Variants in SRPK2 observed in about 807,000 individuals in gnomAD.
SRPK2 encodes the protein SFRS protein kinase 2.
SRPK2 carries 21 observed loss-of-function variants against 90.8 expected under a neutral mutation model. That is an observed-to-expected ratio of 0.23 (90% CI 0.16 to 0.33). The LOEUF (loss-of-function observed/expected upper bound fraction) is 0.33. SRPK2 is among the 10% of genes least tolerant of loss of function. The pLI is 1.00. For synonymous variants in SRPK2, 288 were observed against 311.1 expected (o/e 0.93, Z 0.78); for missense variants, 620 against 869.0 (o/e 0.71, Z 3.60).
At chr7:105,346,045 A>G (rs1279859247) in intron 2 of SRPK2, among the ~76,000 whole-genome samples, 3 of 152,232 alleles carry the variant, frequency 2.0e-5, no homozygotes, top group Non-Finnish European at 2.9e-5. Context: ...CTTTTAAAAA[A>G]GAGTGCAAAA....
chr7:105,382,913 G>A (rs551982843), intron 2 of SRPK2, among the ~76,000 whole-genome samples: 10 of 152,178 alleles, frequency 6.6e-5, no homozygotes, highest in Non-Finnish European at 1.5e-4. Context: ...TAATAACATT[G>A]TCTCAATGTC....
chr7:105,297,121 C>T lies in SRPK2; in HGVS notation c.71+91527G>A, dbSNP rs138895765. Among the ~76,000 whole-genome samples the T allele has an allele frequency of 3.9e-5, 6 of 152,312 alleles. No individual in the cohort carries two copies. The East Asian group carries it at 7.7e-4, about 20-fold the overall frequency. ...TCTAGGGAATTGTCAATAACAGTAA[C>T]TCACAGGTATGATAAAATTCTCAAA... On this transcript the variant is annotated intron_variant, in intron 2 of 15. Transcript: ENST00000393651.
intron 6 of SRPK2, among the ~76,000 whole-genome samples, chr7:105,166,469 A>G (rs1296376558): frequency 6.6e-6 from 1 of 152,206 alleles, no homozygotes; most frequent in Non-Finnish European, 1.5e-5. Flanking sequence ...ACAGAAGTAA[A>G]AGGACATGAC....
chr7:105,226,160 A>G (rs947458566), intron 2 of SRPK2, among the ~76,000 whole-genome samples: 1 of 152,222 alleles, frequency 6.6e-6, no homozygotes, highest in African/African-American at 2.4e-5. Flanking sequence ...TTTTTTCAAT[A>G]AAAGAAACAT....
At chr7:105,206,732 A>G (rs186974238) in intron 2 of SRPK2, among the ~76,000 whole-genome samples, 1 of 152,324 alleles carries the variant, frequency 6.6e-6, no homozygotes, top group East Asian at 1.9e-4. Context: ...AATACATGTT[A>G]GATTGCCAAG....
At chr7:105,349,309 G>A (rs1016698415) in intron 2 of SRPK2, among the ~76,000 whole-genome samples, 1 of 151,970 alleles carries the variant, frequency 6.6e-6, no homozygotes, top group African/African-American at 2.4e-5. Flanking sequence ...GATCACTGGA[G>A]GTTGGGAGTT....
At chr7:105,149,079 C>T (rs1386525493) in intron 7 of SRPK2, among the ~76,000 whole-genome samples, 2 of 152,204 alleles carry the variant, frequency 1.3e-5, no homozygotes, top group Non-Finnish European at 2.9e-5. Context: ...CCCAGCCCAA[C>T]ACCCATAAAG....
chr7:105,356,834 G>A (rs1817833965), intron 2 of SRPK2, among the ~76,000 whole-genome samples: 1 of 152,128 alleles, frequency 6.6e-6, no homozygotes, highest in African/African-American at 2.4e-5. Context: ...CTCTGGTCCT[G>A]TGGAAGATAC....
chr7:105,395,525 T>A (rs1002008359), intron 1 of SRPK2, among the ~76,000 whole-genome samples: 3 of 150,994 alleles, frequency 2.0e-5, no homozygotes, highest in Non-Finnish European at 4.4e-5. Context: ...AGGTCAGGAG[T>A]TCCAGATCAG....
At chr7:105,173,922 G>GT (rs67739776) in intron 3 of SRPK2, among the ~76,000 whole-genome samples, 2,820 of 122,776 alleles carry the variant, frequency 0.023, 27 homozygotes, top group Middle Eastern at 0.029. Flanking sequence ...GTGTGTTGGT[G>GT]TTTTTTTTTT....
At chr7:105,264,548 G>C (rs1315503638) in intron 2 of SRPK2, among the ~76,000 whole-genome samples, 1 of 152,160 alleles carries the variant, frequency 6.6e-6, no homozygotes, top group Non-Finnish European at 1.5e-5. Flanking sequence ...GACAGCTACA[G>C]TTTGTGAATT....
intron 2 of SRPK2, among the ~76,000 whole-genome samples, chr7:105,289,484 C>A (rs1808656048): frequency 6.6e-6 from 1 of 152,112 alleles, no homozygotes; most frequent in Non-Finnish European, 1.5e-5. Context: ...ATACCATAGA[C>A]TATTAAGTGT....
At chr7:105,388,360 C>T (rs1052772065) in intron 2 of SRPK2, among the ~76,000 whole-genome samples, 2 of 150,704 alleles carry the variant, frequency 1.3e-5, no homozygotes, top group African/African-American at 4.8e-5. Flanking sequence ...ACGCCCTGCC[C>T]GGCGCCTTTC....
rs184184231 is a variant in SRPK2, at chr7:105,190,702, T to C, written c.229+12926A>G. On this transcript the variant is annotated intron_variant, in intron 3 of 15. Coordinates refer to ENST00000393651, the MANE Select transcript of SRPK2 (RefSeq NM_182692.3). The stretch of plus-strand genomic sequence containing the variant: ...GTGGCCCAAGGCACCCAGATCTCTA[T>C]GCCCTTGGAAGGCTCCAAGGACAAA... Among the ~76,000 whole-genome samples the C allele has an allele frequency of 2.8e-4, 43 of 152,312 alleles. 1 individual carries two copies. Among genetic ancestry groups the C allele is most frequent in the Admixed American group, 2.3e-3 (35 of 15,308 alleles).
At chr7:105,130,978 G>T (rs963835452) in intron 13 of SRPK2, among the ~76,000 whole-genome samples, 1 of 152,198 alleles carries the variant, frequency 6.6e-6, no homozygotes, top group Non-Finnish European at 1.5e-5. Flanking sequence ...CACAGCAATA[G>T]CATTTCAAGA....
chr7:105,142,974 T>A, intron 10 of SRPK2, 110 bp downstream of exon 10: 1 of 1,416,724 alleles, frequency 7.1e-7, no homozygotes, highest in Non-Finnish European at 9.5e-7. Context: ...GAGAGAATCA[T>A]CCTTGTCATC....
At chr7:105,173,886 A>T (rs1791470003) in intron 3 of SRPK2, among the ~76,000 whole-genome samples, 1 of 151,886 alleles carries the variant, frequency 6.6e-6, no homozygotes, top group Non-Finnish European at 1.5e-5. Context: ...TATTTAATAT[A>T]AAAACCATGC....
At chr7:105,267,363 A>C (rs1585443187) in intron 2 of SRPK2, among the ~76,000 whole-genome samples, 2 of 152,284 alleles carry the variant, frequency 1.3e-5, no homozygotes, top group Middle Eastern at 6.8e-3. Flanking sequence ...TGCTCTTCCT[A>C]GTACCAAACT....
intron 2 of SRPK2, chr7:105,204,630 G>A (rs1416999386): frequency 1.3e-6 from 1 of 796,832 alleles, no homozygotes; most frequent in Non-Finnish European, 2.0e-6. Context: ...GTTGCTCTGA[G>A]GGTCAGTTGC....
Sources: allele counts gnomAD v4.1 joint callset (sites outside exome capture counted in the v4.1 genomes callset), GRCh38; gene constraint gnomAD v4.1.1; transcripts MANE v1.5; gene names NCBI Gene and HGNC (gene_info 2026-07-23, HGNC 2026-07-21).